FAM227B: variants seen among roughly 807,000 people sequenced by gnomAD.
FAM227B encodes family with sequence similarity 227 member B, also known as protein FAM227B.
FAM227B carries 88 observed loss-of-function variants against 73.8 expected under a neutral mutation model. That is an observed-to-expected ratio of 1.19 (90% CI 1.00 to 1.42). The LOEUF is 1.42. Among genes scored for constraint, FAM227B ranks in the 40% most tolerant of loss-of-function variants. FAM227B has a pLI of 0.00. For missense variants in FAM227B, 632 were observed against 590.9 expected (o/e 1.07, Z -0.72); for synonymous variants, 210 against 190.5 (o/e 1.10, Z -0.84).
At chr15:49,609,131 A>G (rs1299909683) in intron 3 of FAM227B, among the ~76,000 whole-genome samples, 1 of 151,898 alleles carries the variant, frequency 6.6e-6, no homozygotes, top group South Asian at 2.1e-4. Flanking sequence ...TAAGTAAGAG[A>G]GCTGACACTG....
At chr15:49,470,958 T>A (rs147941940) in intron 11 of FAM227B, among the ~76,000 whole-genome samples, 1 of 152,222 alleles carries the variant, frequency 6.6e-6, no homozygotes, top group East Asian at 1.9e-4. Context: ...CTGGAACATA[T>A]TTGTTGTGTT....
Position 49,541,455 on chromosome 15 carries a change from T to G in FAM227B, c.874+225A>C, listed in dbSNP as rs548063197. 6.9e-4 allele frequency among the ~76,000 whole-genome samples: 105 copies of G among 152,224 alleles called. 1 individual carries two copies. Among genetic ancestry groups the G allele is most frequent in the Admixed American group, 1.9e-3 (29 of 15,286 alleles). ...ATTTCAGTTTTCCATAATAATTCCATTGATTATAAGATATTTGGCTCTAAA... is the reference window on the plus strand; with the variant it reads ...ATTTCAGTTTTCCATAATAATTCCAGTGATTATAAGATATTTGGCTCTAAA... On this transcript the variant is annotated intron_variant, in intron 10 of 15. Transcript: ENST00000299338.
chr15:49,575,089 C>T lies in FAM227B; in HGVS notation c.567G>A (p.Trp189Ter). The T allele has an allele frequency of 3.8e-6, 6 of 1,595,636 alleles. No individual in the cohort carries two copies. Among genetic ancestry groups the T allele is most frequent in the Non-Finnish European group, 5.1e-6 (6 of 1,170,170 alleles). The change falls in exon 8 of 16, where the codon TGG becomes TGA. Residue 189 changes from tryptophan to a stop codon, truncating the protein, a stop_gained. Coordinates refer to ENST00000299338, the MANE Select transcript of FAM227B (RefSeq NM_152647.3). LOFTEE classifies it high-confidence loss of function. ...HNFDERVFKI[W>*]KTHFLSEASI... ...AGGCTTCTGAGAGAAAATGAGTCTT[C>T]CAGATTTTAAAAACTCTTTCCTATG...
At chr15:49,461,834 C>T (rs2053824708) in intron 11 of FAM227B, among the ~76,000 whole-genome samples, 1 of 152,192 alleles carries the variant, frequency 6.6e-6, no homozygotes, top group Non-Finnish European at 1.5e-5. Flanking sequence ...TCTCTATCTA[C>T]ATATGGTTAC....
chr15:49,561,514 G>T (rs1278360414), intron 9 of FAM227B, among the ~76,000 whole-genome samples: 3 of 152,082 alleles, frequency 2.0e-5, no homozygotes, highest in Non-Finnish European at 4.4e-5. Context: ...TGATCAGTTG[G>T]ACCTAACAAA....
At chr15:49,428,402 T>C (rs1270619666) in intron 11 of FAM227B, among the ~76,000 whole-genome samples, 1 of 151,966 alleles carries the variant, frequency 6.6e-6, no homozygotes, top group Non-Finnish European at 1.5e-5. Flanking sequence ...AAGAAGAGCA[T>C]TGAGAACATC....
chr15:49,469,329 G>T (rs1459826827), intron 11 of FAM227B, among the ~76,000 whole-genome samples: 1 of 151,718 alleles, frequency 6.6e-6, no homozygotes, highest in Non-Finnish European at 1.5e-5. Context: ...TTTATTCCAG[G>T]GATACTCTTA....
intron 10 of FAM227B, among the ~76,000 whole-genome samples, chr15:49,533,262 AAAGTGGTTAAG>A (rs921714978): frequency 1.3e-5 from 2 of 151,948 alleles, no homozygotes; most frequent in Non-Finnish European, 2.9e-5. Flanking sequence ...TAGCCTTCTT[AAAGTGGTTAAG>A]ACTTGTTTTG....
chr15:49,530,493 T>C (rs1316245824), intron 10 of FAM227B, among the ~76,000 whole-genome samples: 1 of 151,922 alleles, frequency 6.6e-6, no homozygotes, highest in East Asian at 1.9e-4. Flanking sequence ...GATATCAAAA[T>C]AGTTATGGCA....
intron 10 of FAM227B, among the ~76,000 whole-genome samples, chr15:49,529,411 T>C (rs2060448291): frequency 6.6e-6 from 1 of 151,700 alleles, no homozygotes; most frequent in Admixed American, 6.6e-5. Context: ...GAAGCCCAAA[T>C]ATCACCATTG....
intron 3 of FAM227B, among the ~76,000 whole-genome samples, chr15:49,595,837 T>C (rs2076856716): frequency 6.6e-6 from 1 of 151,870 alleles, no homozygotes; most frequent in Admixed American, 6.6e-5. Context: ...GTTTCAACAA[T>C]AGAATCAAAC....
At chr15:49,591,018 CTCTT>C (rs544811372) in intron 3 of FAM227B, among the ~76,000 whole-genome samples, 281 of 123,244 alleles carry the variant, frequency 2.3e-3, no homozygotes, top group Middle Eastern at 4.5e-3. Flanking sequence ...CTTTCTCTTT[CTCTT>C]TTTTTTGTTT....
At chr15:49,508,912 G>T (rs1251315362) in intron 10 of FAM227B, among the ~76,000 whole-genome samples, 1 of 152,160 alleles carries the variant, frequency 6.6e-6, no homozygotes, top group Non-Finnish European at 1.5e-5. Context: ...TATAAAGATG[G>T]TTTATTACTC....
chr15:49,439,297 A>G (rs2051403498), intron 11 of FAM227B, among the ~76,000 whole-genome samples: 1 of 151,444 alleles, frequency 6.6e-6, no homozygotes, highest in Admixed American at 6.6e-5. Flanking sequence ...AGAGAGAGGG[A>G]GGGAGAAAGA....
chr15:49,572,007 GTCATTT>G (rs1567607018), intron 8 of FAM227B, among the ~76,000 whole-genome samples: 1 of 151,854 alleles, frequency 6.6e-6, no homozygotes, highest in African/African-American at 2.4e-5. Flanking sequence ...ATTTATTTGT[GTCATTT>G]TCAATTTCTT....
chr15:49,468,919 T>A (rs1845733949), intron 11 of FAM227B, among the ~76,000 whole-genome samples: 1 of 152,236 alleles, frequency 6.6e-6, no homozygotes, highest in African/African-American at 2.4e-5. Flanking sequence ...TCTATTTCAC[T>A]GTCACTTTTG....
chr15:49,537,971 C>G (rs577085985), intron 10 of FAM227B, among the ~76,000 whole-genome samples: 1 of 152,132 alleles, frequency 6.6e-6, no homozygotes, highest in South Asian at 2.1e-4. Context: ...AAGGAGCAGA[C>G]ATGTAGGATG....
intron 13 of FAM227B, among the ~76,000 whole-genome samples, chr15:49,352,425 CTTATG>C (rs879857206): frequency 2.0e-5 from 3 of 152,122 alleles, no homozygotes; most frequent in Admixed American, 6.5e-5. Context: ...TGCCATAGGA[CTTATG>C]TTAAGTAAGT....
intron 15 of FAM227B, chr15:49,329,828 C>CCTGTCAT: frequency 1.7e-6 from 1 of 583,044 alleles, no homozygotes. Context: ...AAAAAAGGCA[C>CCTGTCAT]CTGTCATTGT....
Sources: gnomAD v4.1 joint callset for allele counts (sites outside exome capture counted in the v4.1 genomes callset) on GRCh38, gnomAD v4.1.1 for gene constraint, MANE v1.5 for transcripts, NCBI Gene and HGNC (gene_info 2026-07-23, HGNC 2026-07-21) for gene names.